The following SCFD2 variants were observed in gnomAD, a reference collection of about 807,000 sequenced individuals.
SCFD2 encodes sec1 family domain-containing protein 2.
Under a neutral mutation model 58.9 loss-of-function variants are expected in SCFD2, and 54 were observed. The observed-to-expected ratio is 0.92, with a 90% CI of 0.74 to 1.15. The LOEUF (loss-of-function observed/expected upper bound fraction) is 1.15, where lower values mean the gene tolerates loss of function less well. SCFD2 is among the 50% of genes most tolerant of loss of function. SCFD2 has a pLI of 0.00. For missense variants in SCFD2, 805 were observed against 836.6 expected (o/e 0.96, Z 0.47); for synonymous variants, 321 against 335.9 (o/e 0.96, Z 0.49).
Position 53,048,318 on chromosome 4 carries a change from C to G in SCFD2, c.1561+97015G>C, listed in dbSNP as rs532129461. ...TGAACCGAGATCGTGCCACTGCACCCCAGCCTAGGTGACAGAGCAAGACTC... is the reference window on the plus strand; with the variant it reads ...TGAACCGAGATCGTGCCACTGCACCGCAGCCTAGGTGACAGAGCAAGACTC... On this transcript the variant is annotated intron_variant, in intron 5 of 8. Transcript: ENST00000401642. Among the ~76,000 whole-genome samples the G allele has an allele frequency of 2.0e-5, 3 of 152,126 alleles. No homozygotes were observed. The South Asian group carries it at 6.2e-4, about 32-fold the overall frequency.
chr4:53,250,531 T>C (rs1413699252), intron 4 of SCFD2, among the ~76,000 whole-genome samples: 1 of 152,020 alleles, frequency 6.6e-6, no homozygotes, highest in Admixed American at 6.6e-5. Flanking sequence ...GAACAGAAAT[T>C]ATAACAAACT....
chr4:52,987,829 C>A (rs187342990), intron 5 of SCFD2, among the ~76,000 whole-genome samples: 1 of 152,132 alleles, frequency 6.6e-6, no homozygotes, highest in African/African-American at 2.4e-5. Flanking sequence ...CATAAAACGC[C>A]GCAATGCAAT....
At chr4:53,240,346 A>C (rs1010622256) in intron 4 of SCFD2, among the ~76,000 whole-genome samples, 3 of 152,254 alleles carry the variant, frequency 2.0e-5, no homozygotes, top group African/African-American at 7.2e-5. Flanking sequence ...TTCAGGATGT[A>C]CCCAAATTTC....
chr4:53,330,278 C>T (rs1733395990), intron 2 of SCFD2, among the ~76,000 whole-genome samples: 1 of 151,794 alleles, frequency 6.6e-6, no homozygotes, highest in South Asian at 2.1e-4. Flanking sequence ...AGAGCAACTC[C>T]AAGACACATA....
intron 4 of SCFD2, among the ~76,000 whole-genome samples, chr4:53,182,632 C>G (rs897151989): frequency 6.6e-6 from 1 of 152,138 alleles, no homozygotes; most frequent in Non-Finnish European, 1.5e-5. Context: ...GCAATGGCAA[C>G]AAAAGCCAAA....
chr4:52,889,493 C>A (rs1210467788), intron 7 of SCFD2, among the ~76,000 whole-genome samples: 1 of 152,216 alleles, frequency 6.6e-6, no homozygotes, highest in African/African-American at 2.4e-5. Flanking sequence ...AAAGTTCGAA[C>A]TCTGTATTTC....
chr4:53,095,691 A>G (rs1057304069), intron 5 of SCFD2, among the ~76,000 whole-genome samples: 1 of 152,080 alleles, frequency 6.6e-6, no homozygotes, highest in Non-Finnish European at 1.5e-5. Context: ...AAGACTCTTC[A>G]TGACCTACTA....
At chr4:52,958,956 T>C (rs1168120397) in intron 5 of SCFD2, among the ~76,000 whole-genome samples, 2 of 152,192 alleles carry the variant, frequency 1.3e-5, no homozygotes, top group African/African-American at 2.4e-5. Flanking sequence ...TGTATTATCA[T>C]GTGTAATCCT....
chr4:53,230,330 T>C (rs1275332437), intron 4 of SCFD2, among the ~76,000 whole-genome samples: 1 of 152,172 alleles, frequency 6.6e-6, no homozygotes, highest in Admixed American at 6.5e-5. Context: ...CATGTATGTT[T>C]ATTGCGGCAC....
intron 6 of SCFD2, among the ~76,000 whole-genome samples, chr4:52,916,075 G>A (rs73143099): frequency 4.4e-4 from 67 of 152,338 alleles, no homozygotes; most frequent in African/African-American, 1.6e-3. Flanking sequence ...TCTTCAAGAT[G>A]CATGCCAAGG....
At chr4:52,904,586 T>C (rs946182346) in intron 7 of SCFD2, among the ~76,000 whole-genome samples, 1 of 151,854 alleles carries the variant, frequency 6.6e-6, no homozygotes, top group Non-Finnish European at 1.5e-5. Context: ...CTCGAGGGAG[T>C]TCACTCACAC....
chr4:53,045,247 C>T (rs943370338), intron 5 of SCFD2, among the ~76,000 whole-genome samples: 2 of 152,096 alleles, frequency 1.3e-5, no homozygotes, highest in African/African-American at 4.8e-5. Flanking sequence ...ATACACTCTA[C>T]TGGAATTCAT....
chr4:53,148,100 CTA>C (rs1726388935), intron 4 of SCFD2, among the ~76,000 whole-genome samples: 1 of 152,196 alleles, frequency 6.6e-6, no homozygotes, highest in Non-Finnish European at 1.5e-5. Flanking sequence ...TTTCTAGAAA[CTA>C]TGTGTATACA....
chr4:53,315,379 G>T (rs914339797), intron 2 of SCFD2, among the ~76,000 whole-genome samples: 3 of 152,072 alleles, frequency 2.0e-5, no homozygotes, highest in African/African-American at 7.2e-5. Flanking sequence ...GCATGCCAAG[G>T]TGCACGGGGA....
In SCFD2 at chr4:53,354,143, G is replaced by A. The variant is rs562233502; in HGVS notation, c.839-1377C>T. On this transcript the variant is annotated intron_variant, in intron 1 of 8. Coordinates refer to ENST00000401642, the MANE Select transcript of SCFD2 (RefSeq NM_152540.4). Reference sequence around the variant, plus strand: ...TGCTGCGGAGCAGGGGACAGTGCCCGTTGGGGAGGCTCGGGCCCCATAGGA... The same window carrying A: ...TGCTGCGGAGCAGGGGACAGTGCCCATTGGGGAGGCTCGGGCCCCATAGGA... 9.3e-4 allele frequency among the ~76,000 whole-genome samples: 141 copies of A among 152,370 alleles called. 1 individual carries two copies. Among genetic ancestry groups the A allele is most frequent in the African/African-American group, 3.2e-3 (134 of 41,600 alleles).
At chr4:53,309,260 G>A (rs1732613447) in intron 3 of SCFD2, among the ~76,000 whole-genome samples, 1 of 152,180 alleles carries the variant, frequency 6.6e-6, no homozygotes, top group African/African-American at 2.4e-5. Context: ...CTCTGCCAGT[G>A]ACTTAAAACT....
intron 2 of SCFD2, among the ~76,000 whole-genome samples, chr4:53,328,218 A>T (rs969966663): frequency 4.6e-5 from 7 of 151,828 alleles, no homozygotes; most frequent in Non-Finnish European, 8.8e-5. Flanking sequence ...GTGTGTGTGT[A>T]TGTATACAAA....
intron 4 of SCFD2, among the ~76,000 whole-genome samples, chr4:53,168,340 T>C (rs1374450804): frequency 6.6e-6 from 1 of 152,182 alleles, no homozygotes; most frequent in Non-Finnish European, 1.5e-5. Context: ...CCAAATGCTC[T>C]TTGAAGGAAA....
chr4:53,291,272 C>G (rs1056763577), intron 3 of SCFD2, among the ~76,000 whole-genome samples: 18 of 151,798 alleles, frequency 1.2e-4, no homozygotes, highest in African/African-American at 4.4e-4. Context: ...TTATCCCTGG[C>G]ATGTAAGGCT....
Sources: gnomAD v4.1 joint callset for allele counts (sites outside exome capture counted in the v4.1 genomes callset) on GRCh38, gnomAD v4.1.1 for gene constraint, MANE v1.5 for transcripts, NCBI Gene and HGNC (gene_info 2026-07-23, HGNC 2026-07-21) for gene names.